The following EP400 variants were observed in gnomAD, a reference collection of about 807,000 sequenced individuals.
The protein encoded by EP400 is E1A-binding protein p400.
EP400 carries 105 observed loss-of-function variants against 354.1 expected under a neutral mutation model. The observed-to-expected ratio is 0.30, with a 90% CI of 0.25 to 0.35. The LOEUF (loss-of-function observed/expected upper bound fraction) is 0.35. Ranked by LOEUF, EP400 falls within the 10% of genes least tolerant of loss-of-function variation. The probability of loss-of-function intolerance (pLI) is 1.00; values close to 1 mark genes in which losing one functional copy is unlikely to be tolerated. For synonymous variants in EP400, 1,646 were observed against 1,716.9 expected, an observed-to-expected ratio of 0.96 and a Z score of 1.02; for missense variants, 3,280 against 4,121.0, an observed-to-expected ratio of 0.80 and a Z score of 5.59.
rs751192240 is a variant in EP400 at position 132,023,945 on chromosome 12, A to G, written c.4855+4A>G. On this transcript the variant is annotated splice_donor_region_variant and intron_variant, in intron 24 of 52. Coordinates refer to ENST00000389561, the MANE Select transcript of EP400 (RefSeq NM_015409.5). ...GGCCAGCCGCTGCAGCTGCAAGGTA[A>G]GGATAAGGATGAGAGAGCACTGATG... 2 of 1,597,596 alleles carry G rather than the reference A, an allele frequency of 1.3e-6. No homozygotes were observed. The highest frequency in any genetic ancestry group is 2.2e-5 in the South Asian group (2 of 89,510).
intron 12 of EP400, among the ~76,000 whole-genome samples, chr12:132,001,994 C>T (rs570629187): frequency 6.6e-6 from 1 of 152,288 alleles, no homozygotes; most frequent in East Asian, 1.9e-4. Context: ...CGGTCTCTTG[C>T]CTCGGCACCT....
chr12:132,017,769 A>C lies in EP400; in HGVS notation c.4110+48A>C, dbSNP rs1403122919. ...GGAATTACTGTTGGATATCTTTTCT[A>C]GGCACATTATAGATAAAACCATTCT... On this transcript the variant is annotated intron_variant, in intron 20 of 52. Transcript: ENST00000389561. The surrounding 1 kb of genome is among the most constrained non-coding windows in gnomAD (Gnocchi z 5.0). 1 of 1,492,674 alleles carries C rather than the reference A, an allele frequency of 6.7e-7. No individual in the cohort carries two copies. Among genetic ancestry groups the C allele is most frequent in the South Asian group, 1.4e-5 (1 of 72,652 alleles). The allele number at this position is 1,492,674 out of a possible 1,614,324, so 92.5% of individuals were successfully genotyped here. A position where few individuals can be genotyped will look rare whatever the true frequency, so the allele number is the denominator to read the frequency against.
chr12:132,021,264 C>T lies in EP400; in HGVS notation c.4633C>T (p.Gln1545Ter). Reference protein sequence around the residue: ...QPQAPSHAAGQSALPQRLVLP... With the variant: ...QPQAPSHAAG The stretch of plus-strand genomic sequence containing the variant: ...CCAGGCCCCCTCGCACGCGGCCGGG[C>T]AGAGCGCGCTGCCTCAGAGGCTGGT... Residue 1545 changes from glutamine (Q) to a stop codon, truncating the protein, a stop_gained, in exon 23 of 53, where the codon CAG (glutamine) becomes TAG (stop). Coordinates refer to ENST00000389561, the MANE Select transcript of EP400 (RefSeq NM_015409.5). LOFTEE classifies it high-confidence loss of function. 6.5e-7 allele frequency: 1 copy of T among 1,535,044 alleles called. No individual in the cohort carries two copies. Among genetic ancestry groups the T allele is most frequent in the Non-Finnish European group, 8.7e-7 (1 of 1,146,554 alleles).
At chr12:131,982,740 C>T (rs1453089170) in intron 5 of EP400, among the ~76,000 whole-genome samples, 1 of 152,068 alleles carries the variant, frequency 6.6e-6, no homozygotes, top group African/African-American at 2.4e-5. Flanking sequence ...GAGGCTGAGG[C>T]GGGTGGATTA....
rs761082851 is a variant in EP400, at chr12:132,013,862, G to A, written c.3872G>A (p.Arg1291His). 6.2e-6 allele frequency: 10 copies of A among 1,614,068 alleles called. No individual in the cohort carries two copies. The highest frequency in any genetic ancestry group is 1.1e-5 in the South Asian group (1 of 91,084). The change falls in exon 19 of 53, where the codon CGC (arginine) becomes CAC (histidine). Residue 1291 changes from arginine (R) to histidine (H), a missense_variant. This residue lies in a region of EP400 where 242 missense variants were observed against 357.9 expected (regional missense o/e 0.68). Coordinates refer to ENST00000389561, the MANE Select transcript of EP400 (RefSeq NM_015409.5). The surrounding 1 kb of genome is among the most constrained non-coding windows in gnomAD (Gnocchi z 4.5). The part of the protein sequence containing the change: ...TKKYEHVLKC[R>H]LSNRQKALYE... ...AAATATGAGCATGTTTTGAAGTGTCGCCTTTCTAACCGACAAAAAGCCTTA... is the reference window on the plus strand; with the variant it reads ...AAATATGAGCATGTTTTGAAGTGTCACCTTTCTAACCGACAAAAAGCCTTA...
At chr12:131,999,260 G>A (rs959501329) in intron 12 of EP400, among the ~76,000 whole-genome samples, 26 of 152,112 alleles carry the variant, frequency 1.7e-4, no homozygotes, top group Non-Finnish European at 2.4e-4. Context: ...TTTGCAGTGC[G>A]TGGAAGCCTT....
intron 19 of EP400, among the ~76,000 whole-genome samples, chr12:132,015,091 G>A (rs1893885769): frequency 6.6e-6 from 1 of 152,236 alleles, no homozygotes; most frequent in Non-Finnish European, 1.5e-5. Flanking sequence ...GTGGAGCCTG[G>A]GCACCCTCGA....
intron 51 of EP400, among the ~76,000 whole-genome samples, chr12:132,071,723 AC>A (rs1427596398): frequency 6.6e-6 from 1 of 152,110 alleles, no homozygotes; most frequent in Non-Finnish European, 1.5e-5. Context: ...CCTGCTGCCC[AC>A]GGCTCCTGGC....
intron 2 of EP400, among the ~76,000 whole-genome samples, chr12:131,970,737 A>G (rs1892261198): frequency 6.6e-6 from 1 of 152,156 alleles, no homozygotes; most frequent in Admixed American, 6.6e-5. Context: ...TTTTTGCTTT[A>G]TTGAGATATA....
At chr12:131,953,331 A>T (rs965644227) in intron 1 of EP400, among the ~76,000 whole-genome samples, 4 of 152,236 alleles carry the variant, frequency 2.6e-5, no homozygotes, top group African/African-American at 9.6e-5. Context: ...TTGATGAAGC[A>T]CTTCTTCAGT....
chr12:132,016,914 G>A (rs527751018), intron 19 of EP400, among the ~76,000 whole-genome samples: 28 of 152,226 alleles, frequency 1.8e-4, no homozygotes, highest in Non-Finnish European at 3.8e-4. Context: ...TCCTTCCTGA[G>A]TCTCTCTCCC....
At chr12:131,985,942 C>T (rs1487113574) in intron 5 of EP400, among the ~76,000 whole-genome samples, 1 of 151,800 alleles carries the variant, frequency 6.6e-6, no homozygotes, top group Non-Finnish European at 1.5e-5. Flanking sequence ...AGCCTGTCTG[C>T]CATGAGAGAG....
rs141114057 is a variant in EP400 at position 132,016,596 on chromosome 12, C to T, written c.3924-939C>T. Among the ~76,000 whole-genome samples the T allele has an allele frequency of 0.012, 1,809 of 152,056 alleles. 188 individuals are homozygous for T. The East Asian group carries it at 0.26, about 22-fold the overall frequency. On this transcript the variant is annotated intron_variant, in intron 19 of 52. Transcript: ENST00000389561. Reference sequence around the variant, plus strand: ...CATGTTGGCCAGGCTGGTCTCAAACCCCTGACCTCTAGTGATCCGCCCACC... The same window carrying T: ...CATGTTGGCCAGGCTGGTCTCAAACTCCTGACCTCTAGTGATCCGCCCACC...
intron 19 of EP400, among the ~76,000 whole-genome samples, chr12:132,016,336 C>G (rs1311476777): frequency 6.6e-6 from 1 of 152,130 alleles, no homozygotes; most frequent in African/African-American, 2.4e-5. Context: ...CAGGCGCCGT[C>G]TCTCCTGTGG....
intron 35 of EP400, 112 bp from the exon 36 acceptor site, chr12:132,044,559 T>A (rs749258810): frequency 1.6e-5 from 21 of 1,337,554 alleles, no homozygotes; most frequent in Non-Finnish European, 2.1e-5. Flanking sequence ...TAAATAGTCA[T>A]GTTGATCAGA....
At chr12:131,984,772 C>A (rs756050487) in intron 5 of EP400, among the ~76,000 whole-genome samples, 5 of 151,818 alleles carry the variant, frequency 3.3e-5, no homozygotes, top group Non-Finnish European at 5.9e-5. Context: ...GATCTCCGCT[C>A]ACTGCAACCT....
At position 131,961,892 on chromosome 12, in the gene EP400, A is replaced by G. The variant is rs61742400; in HGVS notation, c.1273A>G (p.Ile425Val). 457 of 1,614,190 alleles carry G rather than the reference A, an allele frequency of 2.8e-4. 2 individuals are homozygous for G. Among genetic ancestry groups the G allele is most frequent in the Admixed American group, 1.6e-3 (96 of 60,028 alleles). Residue 425 changes from isoleucine to valine, a missense_variant, in exon 2 of 53, where the codon ATT (isoleucine) becomes GTT (valine). This residue lies in a region of EP400 where 800 missense variants were observed against 840.0 expected (regional missense o/e 0.95). Transcript: ENST00000389561. ...QAYLRQNDLDIEEEEEEEEEE... is the reference protein window; with the variant it reads ...QAYLRQNDLDVEEEEEEEEEE... Reference sequence around the variant, plus strand: ...ATATCTTAGGCAGAATGATTTGGACATTGAAGAAGAGGAGGAGGAGGAGGA... The same window carrying G: ...ATATCTTAGGCAGAATGATTTGGACGTTGAAGAAGAGGAGGAGGAGGAGGA...
chr12:132,011,871 G>C (rs1229977918), intron 16 of EP400, among the ~76,000 whole-genome samples: 2 of 152,206 alleles, frequency 1.3e-5, no homozygotes, highest in South Asian at 2.1e-4. Flanking sequence ...ACAGATCTCA[G>C]TGTCACTGCC....
In EP400 at chr12:132,027,607, G is replaced by T. The variant is rs1441688673; in HGVS notation, c.5109+76G>T. Reference sequence around the variant, plus strand: ...AGAGCTGCTCGTTGTGTTTGGTTGTGATATTTAAAGGCTCCTGTGAATTCT... The same window carrying T: ...AGAGCTGCTCGTTGTGTTTGGTTGTTATATTTAAAGGCTCCTGTGAATTCT... On this transcript the variant is annotated intron_variant, in intron 26 of 52. Coordinates refer to ENST00000389561, the MANE Select transcript of EP400 (RefSeq NM_015409.5). The surrounding 1 kb of genome is among the most constrained non-coding windows in gnomAD (Gnocchi z 4.9). 2.5e-6 allele frequency: 3 copies of T among 1,201,332 alleles called. No individual in the cohort carries two copies. The highest frequency in any genetic ancestry group is 2.3e-6 in the Non-Finnish European group (2 of 861,302). The allele number at this position is 1,201,332 out of a possible 1,614,324, so 74.4% of individuals were successfully genotyped here.
Sources: allele counts gnomAD v4.1 joint callset (sites outside exome capture counted in the v4.1 genomes callset), GRCh38; gene constraint gnomAD v4.1.1; regional missense constraint gnomAD v4.1.1; non-coding constraint Gnocchi (gnomAD v3.1); transcripts MANE v1.5; gene names NCBI Gene and HGNC (gene_info 2026-07-23, HGNC 2026-07-21).